Variants in MAPK9 observed in about 807,000 individuals in gnomAD.
The protein encoded by MAPK9 is Jun kinase.
Under a neutral mutation model 57.1 loss-of-function variants are expected in MAPK9, and 30 were observed. The ratio of observed to expected loss-of-function variants is 0.53; its 90% confidence interval spans 0.39 to 0.71. The LOEUF is 0.71. Among genes scored for constraint, MAPK9 ranks in the 30% least tolerant of loss-of-function variants. The pLI, the probability that MAPK9 is intolerant of heterozygous loss-of-function variation, is 0.00. For missense variants in MAPK9, 362 were observed against 521.0 expected (o/e 0.69, Z 2.97); for synonymous variants, 155 against 177.0 (o/e 0.88, Z 0.99).
chr5:180,261,220 A>G (rs927186442), intron 5 of MAPK9, among the ~76,000 whole-genome samples: 1 of 152,170 alleles, frequency 6.6e-6, no homozygotes, highest in African/African-American at 2.4e-5. Flanking sequence ...AGAGAAATGG[A>G]TATGTGGGTC....
chr5:180,267,510 T>A lies in MAPK9; in HGVS notation c.252+1770A>T, dbSNP rs145825363. On this transcript the variant is annotated intron_variant, in intron 3 of 11. Transcript: ENST00000452135. ...CTGGGAGGCGGAGCTTGCAGTGAGC[T>A]GAGATCGCGCCACTGCCCTCCAGGT... Among the ~76,000 whole-genome samples, 50 of 138,522 alleles carry A rather than the reference T, an allele frequency of 3.6e-4. No individual in the cohort carries two copies. The South Asian group carries it at 4.4e-3, about 12-fold the overall frequency. The allele number at this position is 138,522 out of a possible 152,430, so 90.9% of individuals were successfully genotyped here.
intron 5 of MAPK9, among the ~76,000 whole-genome samples, chr5:180,252,596 G>C (rs1461874302): frequency 6.6e-6 from 1 of 152,090 alleles, no homozygotes; most frequent in Non-Finnish European, 1.5e-5. Context: ...TTCCCACTGT[G>C]ACGACTCTTA....
intron 1 of MAPK9, among the ~76,000 whole-genome samples, chr5:180,283,091 A>C (rs1186247336): frequency 6.6e-6 from 1 of 152,172 alleles, no homozygotes; most frequent in South Asian, 2.1e-4. Context: ...GAGGTGCGAC[A>C]CAGGCGCTGA....
intron 1 of MAPK9, among the ~76,000 whole-genome samples, chr5:180,282,386 T>C (rs571305563): frequency 2.0e-5 from 3 of 152,302 alleles, no homozygotes; most frequent in South Asian, 4.1e-4. Context: ...ACTTCACTAT[T>C]TGGGGGAGAA....
Position 180,261,790 on chromosome 5 carries a change from A to G in MAPK9, c.344T>C (p.Leu115Ser), listed in dbSNP as rs1194763160. The change falls in exon 5 of 12, where the codon TTA becomes TCA. Residue 115 changes from leucine to serine, a missense_variant. This residue lies in a region of MAPK9 where 127 missense variants were observed against 231.7 expected (regional missense o/e 0.55). Transcript: ENST00000452135. ...YLVMELMDANLCQVIHMELDH... is the reference protein window; with the variant it reads ...YLVMELMDANSCQVIHMELDH... ...CAGCTCCATGTGAATAACCTGACAT[A>G]AGTTAGCATCCATTAATTCCATAAC... 6.2e-7 allele frequency: 1 copy of G among 1,612,570 alleles called. No homozygotes were observed. Among genetic ancestry groups the G allele is most frequent in the Admixed American group, 1.7e-5 (1 of 59,790 alleles).
At chr5:180,239,364 C>A (rs989331431) in intron 10 of MAPK9, among the ~76,000 whole-genome samples, 1 of 152,184 alleles carries the variant, frequency 6.6e-6, no homozygotes, top group South Asian at 2.1e-4. Context: ...CACAGGTAAC[C>A]GGCACTCCCA....
chr5:180,286,169 G>A (rs1310181350), intron 1 of MAPK9, among the ~76,000 whole-genome samples: 15 of 122,596 alleles, frequency 1.2e-4, no homozygotes, highest in South Asian at 5.3e-4. Context: ...TTTTTGAGAC[G>A]GAGTCTCGCT....
intron 5 of MAPK9, among the ~76,000 whole-genome samples, chr5:180,258,678 G>C (rs796212282): frequency 6.6e-6 from 1 of 151,896 alleles, no homozygotes; most frequent in African/African-American, 2.4e-5. Flanking sequence ...GCTTCAGTCG[G>C]TTCAGTTACC....
At chr5:180,291,759 G>A (rs1188182304) in intron 1 of MAPK9, 89 bp downstream of exon 1, 1 of 148,936 alleles carries the variant, frequency 6.7e-6, no homozygotes, top group Non-Finnish European at 1.5e-5. Flanking sequence ...CCGCCCCGAA[G>A]CCCCCGGCCG....
intron 6 of MAPK9, chr5:180,248,043 T>C (rs1290425181): frequency 4.7e-6 from 4 of 852,668 alleles, no homozygotes; most frequent in Non-Finnish European, 7.2e-6. Flanking sequence ...CCTCTGTGCG[T>C]TGTTGATACC....
intron 2 of MAPK9, among the ~76,000 whole-genome samples, chr5:180,279,209 G>C (rs1762096193): frequency 6.6e-6 from 1 of 152,114 alleles, no homozygotes; most frequent in Admixed American, 6.5e-5. Flanking sequence ...GCCCAGCTTG[G>C]CCTCCCAAAG....
At chr5:180,280,058 C>A in intron 2 of MAPK9, 1 of 455,362 alleles carries the variant, frequency 2.2e-6, no homozygotes, top group Non-Finnish European at 4.4e-6. Flanking sequence ...CAGGAGTGAT[C>A]GGGAATAAAA....
chr5:180,249,146 A>G lies in MAPK9; in HGVS notation c.451-8T>C. 1.2e-6 allele frequency: 2 copies of G among 1,602,098 alleles called. No individual in the cohort carries two copies. The highest frequency in any genetic ancestry group is 8.5e-7 in the Non-Finnish European group (1 of 1,174,224). ...GTTGCTAGGCTTCAAATCCTAGGAA[A>G]GAAATGGCTTAAATTAGTAAAATGA... On this transcript the variant is annotated splice_polypyrimidine_tract_variant and splice_region_variant and intron_variant, in intron 5 of 11. Transcript: ENST00000452135.
At chr5:180,280,411 T>A in intron 2 of MAPK9, 29 bp downstream of exon 2, 2 of 1,598,014 alleles carry the variant, frequency 1.3e-6, no homozygotes, top group Non-Finnish European at 1.7e-6. Context: ...AAAAACTCAA[T>A]CCACGCTATT....
At chr5:180,268,046 T>C (rs146927916) in intron 3 of MAPK9, among the ~76,000 whole-genome samples, 18 of 152,020 alleles carry the variant, frequency 1.2e-4, no homozygotes, top group Admixed American at 3.9e-4. Flanking sequence ...GGATGGTCTC[T>C]ATCTCCTGAC....
chr5:180,257,979 TAAACAA>T (rs1344192341), intron 5 of MAPK9: 2 of 154,232 alleles, frequency 1.3e-5, no homozygotes, highest in East Asian at 3.8e-4. Flanking sequence ...CATACAAATG[TAAACAA>T]TGTGAGAAAA....
rs138843011 is a variant in MAPK9, at chr5:180,282,922, G to A, written c.-47-2314C>T. Among the ~76,000 whole-genome samples the A allele has an allele frequency of 3.6e-3, 548 of 152,238 alleles. 2 individuals carry two copies. Among genetic ancestry groups the A allele is most frequent in the South Asian group, 0.011 (53 of 4,824 alleles). On this transcript the variant is annotated intron_variant, in intron 1 of 11. Coordinates refer to ENST00000452135, the MANE Select transcript of MAPK9 (RefSeq NM_002752.5). ...GAATGGGAGGAGAAGCAGCAGAGGC[G>A]GAGGCACATTCGGAATGTGACAAGT...
intron 5 of MAPK9, among the ~76,000 whole-genome samples, chr5:180,259,209 T>TTTAC (rs1214357851): frequency 1.3e-5 from 2 of 152,022 alleles, no homozygotes; most frequent in Non-Finnish European, 2.9e-5. Context: ...ACCCTTTGAC[T>TTTAC]GTAAGGAATG....
intron 1 of MAPK9, among the ~76,000 whole-genome samples, chr5:180,289,882 G>T (rs547947908): frequency 6.6e-6 from 1 of 152,206 alleles, no homozygotes; most frequent in Non-Finnish European, 1.5e-5. Context: ...TAGAGACAGG[G>T]TCTTGCTCTG....
Sources: gnomAD v4.1 joint callset for allele counts (sites outside exome capture counted in the v4.1 genomes callset) on GRCh38, gnomAD v4.1.1 for gene constraint, gnomAD v4.1.1 regional missense constraint, MANE v1.5 for transcripts, NCBI Gene and HGNC (gene_info 2026-07-23, HGNC 2026-07-21) for gene names.